Variants in LRRC4C observed in about 807,000 individuals in gnomAD.
The protein encoded by LRRC4C is leucine rich repeat containing 4C.
Under a neutral mutation model 33.6 loss-of-function variants are expected in LRRC4C, and 5 were observed. That is an observed-to-expected ratio of 0.15 (90% CI 0.08 to 0.31). The LOEUF (loss-of-function observed/expected upper bound fraction) is 0.31, where lower values mean the gene tolerates loss of function less well. LRRC4C is among the 10% of genes least tolerant of loss of function. The pLI, the probability that LRRC4C is intolerant of heterozygous loss-of-function variation, is 1.00. For synonymous variants in LRRC4C, 329 were observed against 302.0 expected (o/e 1.09, Z -0.93); for missense variants, 560 against 796.7 (o/e 0.70, Z 3.58).
chr11:40,491,667 C>T (rs1456922061), intron 3 of LRRC4C, among the ~76,000 whole-genome samples: 4 of 152,138 alleles, frequency 2.6e-5, no homozygotes, highest in Non-Finnish European at 5.9e-5. Context: ...CACCTCTAAA[C>T]CATCTTTTAA....
At chr11:40,958,918 A>C (rs1328313571) in intron 1 of LRRC4C, among the ~76,000 whole-genome samples, 6 of 151,728 alleles carry the variant, frequency 4.0e-5, no homozygotes, top group African/African-American at 1.4e-4. Context: ...CAAGAAGATT[A>C]GATCTAGTCA....
chr11:41,058,251 G>A (rs1482090598), intron 1 of LRRC4C, among the ~76,000 whole-genome samples: 10 of 152,224 alleles, frequency 6.6e-5, no homozygotes, highest in Non-Finnish European at 1.5e-4. Flanking sequence ...ATGCTTCCAG[G>A]AACCACCGTG....
intron 2 of LRRC4C, among the ~76,000 whole-genome samples, chr11:40,701,080 TAA>T (rs1300827358): frequency 6.6e-6 from 1 of 152,114 alleles, no homozygotes; most frequent in Non-Finnish European, 1.5e-5. Flanking sequence ...TCACCTCCCA[TAA>T]AAGTGTCTAA....
chr11:41,032,529 A>C (rs1451611198), intron 1 of LRRC4C, among the ~76,000 whole-genome samples: 1 of 151,950 alleles, frequency 6.6e-6, no homozygotes, highest in Non-Finnish European at 1.5e-5. Context: ...TGCAATATTG[A>C]CTGCTTGTAA....
rs554360740 is a variant in LRRC4C, at chr11:41,249,036, C to CTTT, written c.-496+210394_-496+210395insAAA. ...TTATCTCCCTGGTTTAAGATACTGT[C>CTTT]TTCTTTTTTTTTTTTTGAGATGGAG... On this transcript the variant is annotated intron_variant, in intron 1 of 6. Coordinates refer to ENST00000528697, the MANE Select transcript of LRRC4C (RefSeq NM_001258419.2). Among the ~76,000 whole-genome samples the CTTT allele has an allele frequency of 1.3e-4, 20 of 148,980 alleles. 1 individual carries two copies. The highest frequency in any genetic ancestry group is 2.1e-4 in the South Asian group (1 of 4,742).
At chr11:41,067,856 A>G (rs377573937) in intron 1 of LRRC4C, among the ~76,000 whole-genome samples, 1 of 152,144 alleles carries the variant, frequency 6.6e-6, no homozygotes, top group Admixed American at 6.5e-5. Context: ...TTTGAAACCA[A>G]TGAGAACAGA....
At chr11:40,305,522 T>C (rs1318857914) in intron 4 of LRRC4C, among the ~76,000 whole-genome samples, 1 of 152,162 alleles carries the variant, frequency 6.6e-6, no homozygotes, top group Non-Finnish European at 1.5e-5. Flanking sequence ...ACAAGCTGTT[T>C]CTGTAGCAAA....
At chr11:41,151,798 CAAT>C (rs1944011598) in intron 1 of LRRC4C, among the ~76,000 whole-genome samples, 1 of 152,098 alleles carries the variant, frequency 6.6e-6, no homozygotes, top group Non-Finnish European at 1.5e-5. Flanking sequence ...TAGATAAATA[CAAT>C]CCAAACATTA....
intron 3 of LRRC4C, among the ~76,000 whole-genome samples, chr11:40,384,624 A>G (rs1006993472): frequency 6.6e-6 from 1 of 152,168 alleles, no homozygotes; most frequent in Admixed American, 6.5e-5. Flanking sequence ...TTAAAATTAG[A>G]TATATTTGAT....
chr11:41,022,579 G>GA (rs200125249), intron 1 of LRRC4C, among the ~76,000 whole-genome samples: 9 of 151,008 alleles, frequency 6.0e-5, no homozygotes, highest in Non-Finnish European at 7.4e-5. Context: ...GTACCAGGAA[G>GA]AAAAAAAAAT....
intron 5 of LRRC4C, among the ~76,000 whole-genome samples, chr11:40,145,055 CT>C (rs1368238206): frequency 1.3e-5 from 2 of 152,184 alleles, no homozygotes; most frequent in East Asian, 1.9e-4. Context: ...TGCATGCCCC[CT>C]GGGACAGCCA....
chr11:40,628,958 T>C (rs1262613099), intron 3 of LRRC4C, among the ~76,000 whole-genome samples: 1 of 152,192 alleles, frequency 6.6e-6, no homozygotes, highest in Non-Finnish European at 1.5e-5. Context: ...GGATGTAAGA[T>C]TCCATTTTGA....
At chr11:41,275,834 T>C (rs902700342) in intron 1 of LRRC4C, among the ~76,000 whole-genome samples, 1 of 152,166 alleles carries the variant, frequency 6.6e-6, no homozygotes, top group Non-Finnish European at 1.5e-5. Context: ...TTATATATCA[T>C]GAAGAGGAAA....
chr11:40,922,336 G>A (rs1957217592), intron 2 of LRRC4C, among the ~76,000 whole-genome samples: 1 of 152,150 alleles, frequency 6.6e-6, no homozygotes, highest in South Asian at 2.1e-4. Context: ...CGCCCCTGAA[G>A]TAACATTAAA....
At chr11:40,314,262 T>C (rs1319202106) in intron 4 of LRRC4C, among the ~76,000 whole-genome samples, 3 of 151,988 alleles carry the variant, frequency 2.0e-5, no homozygotes, top group East Asian at 1.9e-4. Context: ...TATTTTTCAA[T>C]AGAAGGCATA....
At chr11:40,459,512 C>T (rs1443222171) in intron 3 of LRRC4C, among the ~76,000 whole-genome samples, 2 of 152,124 alleles carry the variant, frequency 1.3e-5, no homozygotes. Context: ...AAAATAATTT[C>T]CAAATCACAC....
chr11:40,481,699 A>G (rs1953577133), intron 3 of LRRC4C, among the ~76,000 whole-genome samples: 1 of 152,198 alleles, frequency 6.6e-6, no homozygotes, highest in African/African-American at 2.4e-5. Context: ...TGATAAATAA[A>G]GCAAGACTGA....
intron 1 of LRRC4C, among the ~76,000 whole-genome samples, chr11:41,049,333 C>T (rs953874687): frequency 1.3e-5 from 2 of 152,166 alleles, no homozygotes; most frequent in African/African-American, 2.4e-5. Flanking sequence ...GATTGTGAGG[C>T]ATCCCCAGCC....
chr11:40,852,129 A>AT (rs5791404), intron 2 of LRRC4C, among the ~76,000 whole-genome samples: 314 of 146,872 alleles, frequency 2.1e-3, no homozygotes, highest in East Asian at 5.6e-3. Context: ...GCACTACTAG[A>AT]TTTTTTTTTT....
Sources: allele counts gnomAD v4.1 joint callset (sites outside exome capture counted in the v4.1 genomes callset), GRCh38; gene constraint gnomAD v4.1.1; transcripts MANE v1.5; gene names NCBI Gene and HGNC (gene_info 2026-07-23, HGNC 2026-07-21).